The following CD48 variants were observed in gnomAD, a reference collection of about 807,000 sequenced individuals.
CD48 encodes CD48 antigen.
A neutral mutation model predicts 22.0 loss-of-function variants in CD48; 20 were observed. That is an observed-to-expected ratio of 0.91 (90% CI 0.64 to 1.32). CD48 has a LOEUF of 1.32. CD48 is among the 40% of genes most tolerant of loss of function. The pLI is 0.00. For missense variants in CD48, 307 were observed against 286.5 expected, an observed-to-expected ratio of 1.07 and a Z score of -0.52; for synonymous variants, 110 against 110.1, an observed-to-expected ratio of 1.00 and a Z score of 0.01.
At chr1:160,686,897 C>T (rs986936554) in intron 1 of CD48, among the ~76,000 whole-genome samples, 3 of 152,134 alleles carry the variant, frequency 2.0e-5, no homozygotes, top group Non-Finnish European at 2.9e-5. Context: ...AATGAAGTTT[C>T]GGGCACCATT....
chr1:160,708,192 C>T (rs533589548), intron 1 of CD48, among the ~76,000 whole-genome samples: 20 of 152,200 alleles, frequency 1.3e-4, no homozygotes, highest in Admixed American at 3.9e-4. Context: ...AAGAATCAAA[C>T]GCCCAGAAAC....
intron 1 of CD48, among the ~76,000 whole-genome samples, chr1:160,697,867 T>A (rs558648): frequency 6.9e-6 from 1 of 145,254 alleles, no homozygotes; most frequent in Non-Finnish European, 1.6e-5. Context: ...GTCCAGCTGT[T>A]GATAGCGACT....
At chr1:160,711,317 C>T (rs901486402) in intron 1 of CD48, among the ~76,000 whole-genome samples, 3 of 152,312 alleles carry the variant, frequency 2.0e-5, no homozygotes, top group Admixed American at 6.5e-5. Flanking sequence ...TAAGGGAGTA[C>T]AGTGTGTCTG....
chr1:160,681,100 A>G (rs1477954799), intron 3 of CD48, 102 bp downstream of exon 3: 2 of 1,585,666 alleles, frequency 1.3e-6, no homozygotes, highest in East Asian at 4.6e-5. Flanking sequence ...GGGATTCACC[A>G]CCACACTGTG....
In CD48 at chr1:160,679,078, T is replaced by C; in HGVS notation, c.706A>G (p.Thr236Ala). ...CAGGTAAGTAACAGGCCAAGAATGG[T>C]GGGCACCGTGACCACTAGCCAACTT... ...IASWLVVTVP[T>A]ILGLLLT Residue 236 changes from threonine to alanine, a missense_variant, in exon 4 of 4, where the codon ACC becomes GCC. Physicochemically the swap from Thr to Ala is moderately conservative, Grantham distance 58. Transcript: ENST00000368046. 2.5e-6 allele frequency: 4 copies of C among 1,614,058 alleles called. No individual in the cohort carries two copies. Among genetic ancestry groups the C allele is most frequent in the Non-Finnish European group, 2.5e-6 (3 of 1,179,954 alleles).
chr1:160,706,696 T>C (rs1309869319), intron 1 of CD48, among the ~76,000 whole-genome samples: 2 of 152,208 alleles, frequency 1.3e-5, no homozygotes, highest in African/African-American at 4.8e-5. Flanking sequence ...TTTTACTTTC[T>C]TAATGAACTC....
In CD48 at chr1:160,684,929, T is replaced by A. The variant is rs768100503; in HGVS notation, c.343A>T (p.Thr115Ser). The change falls in exon 2 of 4, where the codon ACT (threonine) becomes TCT (serine). Residue 115 changes from threonine (T) to serine (S), a missense_variant. Physicochemically the swap from Thr to Ser is moderately conservative, Grantham distance 58. Transcript: ENST00000368046. ...STYIMRVLKK[T>S]GNEQEWKIKL... ...ATCTTCCATTCTTGCTCATTCCCAG[T>A]CTTTTTCAACACCCTCATGATGTAG... is the stretch of plus-strand genomic sequence containing the variant. 12 of 1,614,044 alleles carry A rather than the reference T, an allele frequency of 7.4e-6. No individual in the cohort carries two copies. The highest frequency in any genetic ancestry group is 9.3e-6 in the Non-Finnish European group (11 of 1,180,028).
chr1:160,689,442 G>A (rs148670407), intron 1 of CD48, among the ~76,000 whole-genome samples: 3,009 of 152,290 alleles, frequency 0.02, 65 homozygotes, highest in Middle Eastern at 0.037. Context: ...GAGACAGAAA[G>A]TATAAGGAGG....
chr1:160,707,852 G>A (rs1035627262), intron 1 of CD48, among the ~76,000 whole-genome samples: 4 of 151,956 alleles, frequency 2.6e-5, no homozygotes, highest in South Asian at 2.1e-4. Context: ...GCATACATGC[G>A]TACATGAACT....
intron 1 of CD48, among the ~76,000 whole-genome samples, chr1:160,686,238 G>A (rs1571052662): frequency 6.6e-6 from 1 of 152,096 alleles, no homozygotes; most frequent in Non-Finnish European, 1.5e-5. Context: ...AGTGTCTATG[G>A]CTAGCCTAGG....
chr1:160,706,925 G>C (rs1225670783), intron 1 of CD48, among the ~76,000 whole-genome samples: 1 of 152,136 alleles, frequency 6.6e-6, no homozygotes, highest in Non-Finnish European at 1.5e-5. Context: ...GGCTTCTTTG[G>C]TTTCCTCATA....
intron 1 of CD48, among the ~76,000 whole-genome samples, chr1:160,697,391 G>A (rs1433993450): frequency 1.3e-5 from 2 of 151,582 alleles, no homozygotes; most frequent in African/African-American, 4.9e-5. Context: ...TAGTGTATGG[G>A]TACCTGGCCC....
intron 1 of CD48, among the ~76,000 whole-genome samples, chr1:160,711,390 C>A (rs1169925643): frequency 1.3e-5 from 2 of 152,116 alleles, no homozygotes; most frequent in East Asian, 3.8e-4. Flanking sequence ...AAAACAAACA[C>A]TTTTCCACAA....
chr1:160,703,551 A>G (rs1349019495), intron 1 of CD48, among the ~76,000 whole-genome samples: 1 of 152,176 alleles, frequency 6.6e-6, no homozygotes, highest in African/African-American at 2.4e-5. Context: ...TCTATGGTAC[A>G]TGCAGCAAAG....
intron 1 of CD48, among the ~76,000 whole-genome samples, chr1:160,702,859 T>C (rs1184635967): frequency 6.6e-6 from 1 of 152,206 alleles, no homozygotes; most frequent in Admixed American, 6.5e-5. Context: ...CATTCATGGT[T>C]TGCATTTTCA....
chr1:160,683,699 TACA>T (rs1661890661), intron 2 of CD48: 1 of 152,178 alleles, frequency 6.6e-6, no homozygotes, highest in Non-Finnish European at 1.5e-5. Flanking sequence ...CTTGAATGTA[TACA>T]ACACTCTTCA....
intron 1 of CD48, among the ~76,000 whole-genome samples, chr1:160,688,752 C>A (rs935356208): frequency 1.3e-5 from 2 of 152,242 alleles, no homozygotes; most frequent in Non-Finnish European, 2.9e-5. Flanking sequence ...CGGGTAATGC[C>A]TTTATCTTCC....
rs202066200 is a variant in CD48, at chr1:160,711,695, C to A, written c.69G>T (p.Val23=). The change falls in exon 1 of 4, where the codon GTG becomes GTT. Residue 23 remains valine (V), a synonymous_variant. Coordinates refer to ENST00000368046, the MANE Select transcript of CD48 (RefSeq NM_001778.4). The part of the protein sequence containing the change: ...ELLLLPLSLL[V]TSIQGHLVHM... ...GGTGGAAAGTACCTTGAATGCTGGT[C>A]ACCAGGAGTGACAGAGGCAGCAGTA... The A allele has an allele frequency of 1.2e-6, 2 of 1,612,798 alleles. No homozygotes were observed. Among genetic ancestry groups the A allele is most frequent in the African/African-American group, 1.3e-5 (1 of 74,990 alleles).
At chr1:160,680,534 C>G (rs1328583325) in intron 3 of CD48, 7 of 986,442 alleles carry the variant, frequency 7.1e-6, no homozygotes, top group Admixed American at 5.8e-5. Context: ...ATGACTGACT[C>G]TAAAACCCAT....
Sources: gnomAD v4.1 joint callset for allele counts (sites outside exome capture counted in the v4.1 genomes callset) on GRCh38, gnomAD v4.1.1 for gene constraint, MANE v1.5 for transcripts, NCBI Gene and HGNC (gene_info 2026-07-23, HGNC 2026-07-21) for gene names.